Variants in AP5Z1 observed in about 807,000 individuals in gnomAD.
The protein encoded by AP5Z1 is AP-5 complex subunit zeta-1.
In AP5Z1, 106 loss-of-function variants were observed where a neutral mutation model predicts 83.0. The observed-to-expected ratio is 1.28, with a 90% CI of 1.09 to 1.50. The LOEUF is 1.50. Among genes scored for constraint, AP5Z1 ranks in the 40% most tolerant of loss-of-function variants. AP5Z1 has a pLI of 0.00. For missense variants in AP5Z1, 1,565 were observed against 1,094.2 expected, an observed-to-expected ratio of 1.43 and a Z score of -6.07; for synonymous variants, 751 against 514.1, an observed-to-expected ratio of 1.46 and a Z score of -6.23.
chr7:4,788,583 G>A, intron 12 of AP5Z1: 1 of 496,864 alleles, frequency 2.0e-6, no homozygotes, highest in Non-Finnish European at 3.5e-6. Flanking sequence ...CCTGAGCCCA[G>A]GAAGCAGGAG....
rs544045575 is a variant in AP5Z1, at chr7:4,792,733, G to A, written c.*1348G>A. 8 of 152,386 alleles carry A rather than the reference G, an allele frequency of 5.2e-5. No homozygotes were observed. In the East Asian group the frequency reaches 1.4e-3, roughly 26 times the overall value. The allele number at this position is 152,386 out of a possible 1,614,324, so 9.4% of individuals were successfully genotyped here. ...GCGCTGGCAGGCGCTTCCGTCGGCA[G>A]CACTGTGTTTGTGTTTCCACGTGGA... On this transcript the variant is annotated 3_prime_UTR_variant, in exon 17 of 17. Coordinates refer to ENST00000649063, the MANE Select transcript of AP5Z1 (RefSeq NM_014855.3).
chr7:4,775,879 C>G (rs149340431), intron 1 of AP5Z1, 123 bp downstream of exon 1: 15 of 1,386,602 alleles, frequency 1.1e-5, no homozygotes, highest in Non-Finnish European at 1.5e-5. Context: ...GACTCGCCCT[C>G]GAGACTTGGG....
chr7:4,778,834 T>C (rs930114599), intron 1 of AP5Z1, among the ~76,000 whole-genome samples: 1 of 144,748 alleles, frequency 6.9e-6, no homozygotes, highest in Admixed American at 7.1e-5. Flanking sequence ...TATATATCAT[T>C]ATATATAATA....
At position 4,775,770 on chromosome 7, in the gene AP5Z1, G is replaced by A; in HGVS notation, c.41+14G>A. 2 of 1,602,334 alleles carry A rather than the reference G, an allele frequency of 1.2e-6. No individual in the cohort carries two copies. Among genetic ancestry groups the A allele is most frequent in the South Asian group, 1.1e-5 (1 of 90,862 alleles). ...CCACCAGGCCAGGTACGGGGGAGCTGCGGCCCCGGCCCTCCTTCCTGCATC... is the reference window on the plus strand; with the variant it reads ...CCACCAGGCCAGGTACGGGGGAGCTACGGCCCCGGCCCTCCTTCCTGCATC... On this transcript the variant is annotated intron_variant, in intron 1 of 16. Transcript: ENST00000649063.
rs1034814179 is a variant in AP5Z1, at chr7:4,791,618, C to T, written c.*233C>T. On this transcript the variant is annotated 3_prime_UTR_variant, in exon 17 of 17. Coordinates refer to ENST00000649063, the MANE Select transcript of AP5Z1 (RefSeq NM_014855.3). ...AACACTGAGCTGAGCTGAGGGGTGC[C>T]ATGGAGCGGCTCTGATTGGAGGCTT... is the stretch of plus-strand genomic sequence containing the variant. 1.3e-5 allele frequency: 8 copies of T among 615,444 alleles called. No homozygotes were observed. The highest frequency in any genetic ancestry group is 2.2e-5 in the Non-Finnish European group (8 of 368,380). 38.1% of individuals were successfully genotyped at this position (615,444 alleles called of 1,614,324 possible). A position where few individuals can be genotyped will look rare whatever the true frequency, so the allele number is the denominator to read the frequency against.
chr7:4,789,350 G>T (rs17135130), intron 13 of AP5Z1, among the ~76,000 whole-genome samples: 6,994 of 152,198 alleles, frequency 0.046, 272 homozygotes, highest in African/African-American at 0.1. Context: ...CACAGCTGGG[G>T]CCGGAGCAGT....
In AP5Z1 at chr7:4,788,460, C is replaced by T. The variant is rs920195821; in HGVS notation, c.1595+166C>T. The T allele has an allele frequency of 3.4e-5, 29 of 859,912 alleles. No homozygotes were observed. The African/African-American group carries it at 3.4e-4, about 10-fold the overall frequency. The allele number at this position is 859,912 out of a possible 1,614,324, so 53.3% of individuals were successfully genotyped here. A position where few individuals can be genotyped will look rare whatever the true frequency, so the allele number is the denominator to read the frequency against. The stretch of plus-strand genomic sequence containing the variant: ...TTATAGAGGCCCTGCTTCTGCACCA[C>T]GGGTCTGCCGGGGGCGGGGCCTGGT... On this transcript the variant is annotated intron_variant, in intron 12 of 16. Transcript: ENST00000649063.
chr7:4,793,997 G>T lies in AP5Z1; in HGVS notation c.*2612G>T, dbSNP rs1001654241. 2 of 152,392 alleles carry T rather than the reference G, an allele frequency of 1.3e-5. No individual in the cohort carries two copies. Among genetic ancestry groups the T allele is most frequent in the Non-Finnish European group, 2.9e-5 (2 of 68,192 alleles). 9.4% of individuals were successfully genotyped at this position (152,392 alleles called of 1,614,324 possible). ...GGAGAACCTTTATGTCTAGCTAAGG[G>T]ATTGTAAATAAACCAATTGGCACTC... On this transcript the variant is annotated 3_prime_UTR_variant, in exon 17 of 17. Transcript: ENST00000649063.
intron 10 of AP5Z1, 70 bp downstream of exon 10, chr7:4,786,498 A>C: frequency 1.9e-6 from 3 of 1,569,164 alleles, no homozygotes; most frequent in South Asian, 2.3e-5. Flanking sequence ...CCCTCTTTCC[A>C]GCGGGGTTCA....
chr7:4,786,143 C>T, intron 9 of AP5Z1, 107 bp from the exon 10 acceptor site: 2 of 1,238,016 alleles, frequency 1.6e-6, no homozygotes, highest in South Asian at 1.6e-5. Flanking sequence ...CCTCGGAGCC[C>T]TTGGTGTCCT....
intron 1 of AP5Z1, 112 bp from the exon 2 acceptor site, chr7:4,781,063 C>T (rs1445461573): frequency 7.2e-7 from 1 of 1,385,716 alleles, no homozygotes; most frequent in Non-Finnish European, 9.8e-7. Context: ...TGTTCCTCCA[C>T]ACACTCGGCT....
chr7:4,783,229 T>A (rs773465149), intron 3 of AP5Z1, 87 bp from the exon 4 acceptor site: 1 of 1,474,146 alleles, frequency 6.8e-7, no homozygotes, highest in Non-Finnish European at 9.1e-7. Flanking sequence ...CCGACGCTTC[T>A]CAGGAGTGTC....
intron 1 of AP5Z1, among the ~76,000 whole-genome samples, chr7:4,777,629 T>C (rs1254481846): frequency 6.6e-6 from 1 of 152,158 alleles, no homozygotes; most frequent in Non-Finnish European, 1.5e-5. Context: ...CCTCAGGTGA[T>C]CCGCCTGACT....
chr7:4,790,145 C>A (rs1781710189), intron 14 of AP5Z1: 1 of 1,484,554 alleles, frequency 6.7e-7, no homozygotes, highest in South Asian at 1.3e-5. Flanking sequence ...TTCTGCCGAG[C>A]CTGTCCTCTT....
In AP5Z1 at chr7:4,779,082, G is replaced by T. The variant is rs1207066172; in HGVS notation, c.42-2093G>T. On this transcript the variant is annotated intron_variant, in intron 1 of 16. Coordinates refer to ENST00000649063, the MANE Select transcript of AP5Z1 (RefSeq NM_014855.3). ...TAGATATAAAAATATATTTTTATAT[G>T]TAATATATATAAAATATATATTATA... Among the ~76,000 whole-genome samples the T allele has an allele frequency of 1.0e-4, 14 of 139,260 alleles. No homozygotes were observed. In the South Asian group the frequency reaches 3.1e-3, roughly 31 times the overall value. The allele number at this position is 139,260 out of a possible 152,430, so 91.4% of individuals were successfully genotyped here.
Position 4,790,690 on chromosome 7 carries a change from G to A in AP5Z1, c.1956G>A (p.Glu652=). Residue 652 remains glutamate (E), a synonymous_variant, in exon 16 of 17, where the codon GAG becomes GAA. Coordinates refer to ENST00000649063, the MANE Select transcript of AP5Z1 (RefSeq NM_014855.3). ...LVTSVVWAIG[E]YLSVTYDRRC... ...GGGCCTAGGTGTGGGCCATCGGCGA[G>A]TACCTGTCGGTGACCTACGATCGGA... 6.2e-7 allele frequency: 1 copy of A among 1,611,816 alleles called. No homozygotes were observed. Among genetic ancestry groups the A allele is most frequent in the Non-Finnish European group, 8.5e-7 (1 of 1,179,644 alleles).
Position 4,785,427 on chromosome 7 carries a change from A to AG in AP5Z1, c.949dup (p.Asp317GlyfsTer93), listed in dbSNP as rs755051644. On this transcript the variant is annotated frameshift_variant, in exon 8 of 17. Coordinates refer to ENST00000649063, the MANE Select transcript of AP5Z1 (RefSeq NM_014855.3). LOFTEE classifies it high-confidence loss of function. ...CCCCTCCTTCCAGGAGCCCTGAGGA[A>AG]GGGGGACTCCGACCTGCAGAAAGCT... The AG allele has an allele frequency of 1.2e-6, 2 of 1,613,312 alleles. No individual in the cohort carries two copies. The highest frequency in any genetic ancestry group is 1.7e-6 in the Non-Finnish European group (2 of 1,179,618).
Position 4,786,417 on chromosome 7 carries a change from A to C in AP5Z1, c.1300A>C (p.Asn434His), listed in dbSNP as rs1187005517. The change falls in exon 10 of 17, where the codon AAC becomes CAC. Residue 434 changes from asparagine to histidine, a missense_variant. Physicochemically the swap from Asn to His is moderately conservative, Grantham distance 68. Coordinates refer to ENST00000649063, the MANE Select transcript of AP5Z1 (RefSeq NM_014855.3). ...CAGCACCCTCAGATTGAGCTTCCCC[A>C]ACCTCTTTAAGGTATATTTGGGCAT... Reference protein sequence around the residue: ...HLSTLRLSFPNLFKFLAWNSP... With the variant: ...HLSTLRLSFPHLFKFLAWNSP... The C allele has an allele frequency of 6.2e-7, 1 of 1,613,790 alleles. No individual in the cohort carries two copies. The highest frequency in any genetic ancestry group is 1.7e-4 in the Middle Eastern group (1 of 6,060).
chr7:4,783,773 T>G lies in AP5Z1; in HGVS notation c.596T>G (p.Phe199Cys), dbSNP rs952320860. The G allele has an allele frequency of 2.4e-5, 37 of 1,549,702 alleles. No individual in the cohort carries two copies. Among genetic ancestry groups the G allele is most frequent in the Middle Eastern group, 1.7e-4 (1 of 5,988 alleles). ...CAAGGGCTCCCACACTCCGGCGGCTTCTTCTCCACGCCCAGGGCCCGGCAG... is the reference window on the plus strand; with the variant it reads ...CAAGGGCTCCCACACTCCGGCGGCTGCTTCTCCACGCCCAGGGCCCGGCAG... ...LQQGLPHSGGFFSTPRARQPG... is the reference protein window; with the variant it reads ...LQQGLPHSGGCFSTPRARQPG... The change falls in exon 5 of 17, where the codon TTC (phenylalanine) becomes TGC (cysteine). Residue 199 changes from phenylalanine to cysteine, a missense_variant. Transcript: ENST00000649063.
Sources: gnomAD v4.1 joint callset for allele counts (sites outside exome capture counted in the v4.1 genomes callset) on GRCh38, gnomAD v4.1.1 for gene constraint, MANE v1.5 for transcripts, NCBI Gene and HGNC (gene_info 2026-07-23, HGNC 2026-07-21) for gene names.